The following WWOX variants were observed in gnomAD, a reference collection of about 807,000 sequenced individuals.
The protein encoded by WWOX is WW domain containing oxidoreductase.
In WWOX, 69 loss-of-function variants were observed where a neutral mutation model predicts 46.2. The observed-to-expected ratio is 1.49, with a 90% CI of 1.23 to 1.82. The LOEUF is 1.82. Among genes scored for constraint, WWOX ranks in the 40% most tolerant of loss-of-function variants. WWOX has a pLI of 0.00. For synonymous variants in WWOX, 359 were observed against 202.6 expected (o/e 1.77, Z -6.56); for missense variants, 919 against 542.6 (o/e 1.69, Z -6.89).
chr16:78,156,467 C>G (rs766353389), intron 4 of WWOX, among the ~76,000 whole-genome samples: 4 of 152,134 alleles, frequency 2.6e-5, no homozygotes, highest in African/African-American at 9.7e-5. Flanking sequence ...TTTGAAACAG[C>G]CTGGATTGTT....
intron 8 of WWOX, chr16:78,897,081 AG>A (rs2044717548): frequency 7.8e-6 from 1 of 127,870 alleles, no homozygotes; most frequent in African/African-American, 3.0e-5. Flanking sequence ...TACAAAAAAA[AG>A]AAAAAAAAAA....
At chr16:78,370,752 A>G (rs1394520830) in intron 5 of WWOX, among the ~76,000 whole-genome samples, 1 of 144,186 alleles carries the variant, frequency 6.9e-6, no homozygotes, top group East Asian at 2.2e-4. Context: ...GTTTCTCTAT[A>G]AACTTTTAAA....
At chr16:79,129,241 C>T (rs750503056) in intron 8 of WWOX, among the ~76,000 whole-genome samples, 1 of 151,424 alleles carries the variant, frequency 6.6e-6, no homozygotes, top group Non-Finnish European at 1.5e-5. Flanking sequence ...ATTGGAAAAC[C>T]TCCAACGCAA....
At chr16:78,778,778 C>A (rs190326753) in intron 8 of WWOX, among the ~76,000 whole-genome samples, 4 of 152,322 alleles carry the variant, frequency 2.6e-5, no homozygotes, top group Admixed American at 2.0e-4. Flanking sequence ...CCGTCCCCAA[C>A]CCTGAGCCAT....
At chr16:79,061,090 C>T (rs74544936) in intron 8 of WWOX, among the ~76,000 whole-genome samples, 4,347 of 152,232 alleles carry the variant, frequency 0.029, 92 homozygotes, top group Non-Finnish European at 0.042. Context: ...GCCCCTTGAA[C>T]GCAAGAGAGG....
rs985449305 is a variant in WWOX at position 78,849,202 on chromosome 16, G to T, written c.1057-362406G>T. 1.1e-4 allele frequency among the ~76,000 whole-genome samples: 16 copies of T among 152,214 alleles called. 1 individual carries two copies. The highest frequency in any genetic ancestry group is 9.2e-4 in the Admixed American group (14 of 15,298). The stretch of plus-strand genomic sequence containing the variant: ...ATACAAGAGTCAATGTAAGTCTCTG[G>T]GAGCACTCACCTTTGGGCATGTTGC... On this transcript the variant is annotated intron_variant, in intron 8 of 8. Coordinates refer to ENST00000566780, the MANE Select transcript of WWOX (RefSeq NM_016373.4).
At chr16:78,871,578 T>C (rs2044129680) in intron 8 of WWOX, among the ~76,000 whole-genome samples, 1 of 152,184 alleles carries the variant, frequency 6.6e-6, no homozygotes, top group Admixed American at 6.5e-5. Flanking sequence ...AAATCCTAAA[T>C]TGAGGCTTAC....
intron 8 of WWOX, among the ~76,000 whole-genome samples, chr16:79,055,590 C>G (rs115005459): frequency 6.6e-6 from 1 of 152,194 alleles, no homozygotes; most frequent in Non-Finnish European, 1.5e-5. Flanking sequence ...CCTCAAGGCC[C>G]TGTCCAAACT....
rs967587060 is a variant in WWOX, at chr16:78,456,493, T to C, written c.1056+23741T>C. Among the ~76,000 whole-genome samples the C allele has an allele frequency of 3.3e-5, 5 of 152,378 alleles. No individual in the cohort carries two copies. In the East Asian group the frequency reaches 7.7e-4, roughly 23 times the overall value. On this transcript the variant is annotated intron_variant, in intron 8 of 8. Coordinates refer to ENST00000566780, the MANE Select transcript of WWOX (RefSeq NM_016373.4). Reference sequence around the variant, plus strand: ...AATACTTTGTCTCTTTTTGGTTTGCTGTCTTAAGCAATAGCCTTAAATTCT... The same window carrying C: ...AATACTTTGTCTCTTTTTGGTTTGCCGTCTTAAGCAATAGCCTTAAATTCT...
At chr16:78,452,878 T>TATATATATATATATATATATACATAC (rs752791786) in intron 8 of WWOX, among the ~76,000 whole-genome samples, 1 of 143,020 alleles carries the variant, frequency 7.0e-6, no homozygotes, top group African/African-American at 2.9e-5. Flanking sequence ...TATATATATA[T>TATATATATATATATATATATACATAC]ATACATATTT....
Position 78,444,629 on chromosome 16 carries a change from C to T in WWOX, c.1056+11877C>T, listed in dbSNP as rs528670994. ...ACTGCAAACCTCTGCCTCCCGGGTT[C>T]AAGCAATTCTCCTGCCTCAGACTCC... is the stretch of plus-strand genomic sequence containing the variant. On this transcript the variant is annotated intron_variant, in intron 8 of 8. Coordinates refer to ENST00000566780, the MANE Select transcript of WWOX (RefSeq NM_016373.4). Among the ~76,000 whole-genome samples, 3 of 150,888 alleles carry T rather than the reference C, an allele frequency of 2.0e-5. No homozygotes were observed. In the South Asian group the frequency reaches 6.3e-4, roughly 32 times the overall value.
chr16:78,641,616 T>G (rs766855620), intron 8 of WWOX, among the ~76,000 whole-genome samples: 6 of 152,142 alleles, frequency 3.9e-5, no homozygotes, highest in Non-Finnish European at 5.9e-5. Flanking sequence ...TCATCTGTTT[T>G]CCTGCAGATG....
At chr16:78,135,768 T>C (rs1411513197) in intron 4 of WWOX, among the ~76,000 whole-genome samples, 1 of 151,862 alleles carries the variant, frequency 6.6e-6, no homozygotes, top group African/African-American at 2.4e-5. Flanking sequence ...GCAGGGAAAA[T>C]GACATGTCGA....
At chr16:78,960,842 A>C (rs8056828) in intron 8 of WWOX, among the ~76,000 whole-genome samples, 1,706 of 152,224 alleles carry the variant, frequency 0.011, 26 homozygotes, top group African/African-American at 0.038. Flanking sequence ...TCTCTGCCTC[A>C]GTTGCTTTAT....
intron 8 of WWOX, among the ~76,000 whole-genome samples, chr16:78,804,509 G>A (rs532690035): frequency 2.0e-5 from 3 of 152,320 alleles, no homozygotes; most frequent in East Asian, 1.9e-4. Flanking sequence ...CACATGCGAA[G>A]CGCATATGTT....
intron 8 of WWOX, among the ~76,000 whole-genome samples, chr16:78,709,327 C>A (rs546530807): frequency 1.3e-5 from 2 of 152,296 alleles, no homozygotes; most frequent in East Asian, 3.9e-4. Flanking sequence ...GTAGTGATCA[C>A]AGAGAGAAGC....
At chr16:78,385,781 C>A (rs189382163) in intron 5 of WWOX, among the ~76,000 whole-genome samples, 1 of 152,312 alleles carries the variant, frequency 6.6e-6, no homozygotes, top group East Asian at 1.9e-4. Context: ...ATTCCCAAGT[C>A]AACCGTTTGT....
At chr16:78,874,750 A>G (rs1410975150) in intron 8 of WWOX, among the ~76,000 whole-genome samples, 2 of 139,010 alleles carry the variant, frequency 1.4e-5, no homozygotes, top group East Asian at 4.3e-4. Context: ...AGGTTGCCAG[A>G]ACATCTACTC....
Position 78,164,164 on chromosome 16 carries a change from A to G in WWOX, c.410-19A>G, listed in dbSNP as rs201778955. On this transcript the variant is annotated intron_variant, in intron 4 of 8. Transcript: ENST00000566780. ...GTTGATGTTATGTTTTCTAACATTG[A>G]CTTTCCTTTAAACCATAGGGTTCGA... is the stretch of plus-strand genomic sequence containing the variant. The G allele has an allele frequency of 3.1e-6, 5 of 1,609,246 alleles. No individual in the cohort carries two copies. The highest frequency in any genetic ancestry group is 2.2e-5 in the East Asian group (1 of 44,842).
Sources: allele counts gnomAD v4.1 joint callset (sites outside exome capture counted in the v4.1 genomes callset), GRCh38; gene constraint gnomAD v4.1.1; transcripts MANE v1.5; gene names NCBI Gene and HGNC (gene_info 2026-07-23, HGNC 2026-07-21).